Variants in IRF6 observed in about 807,000 individuals in gnomAD.
The protein encoded by IRF6 is interferon regulatory factor 6, also known as Van der Woude syndrome.
Under a neutral mutation model 51.4 loss-of-function variants are expected in IRF6, and 6 were observed. The observed-to-expected ratio is 0.12, with a 90% CI of 0.06 to 0.23. The LOEUF is 0.23. IRF6 is among the 10% of genes least tolerant of loss of function. The pLI is 1.00. For missense variants in IRF6, 348 were observed against 585.2 expected, an observed-to-expected ratio of 0.59 and a Z score of 4.18; for synonymous variants, 178 against 215.7, an observed-to-expected ratio of 0.83 and a Z score of 1.53.
At position 209,801,321 on chromosome 1, in the gene IRF6, C is replaced by T; in HGVS notation, c.93G>A (p.Arg31=). The T allele has an allele frequency of 1.2e-6, 2 of 1,614,094 alleles. No individual in the cohort carries two copies. Among genetic ancestry groups the T allele is most frequent in the Non-Finnish European group, 1.7e-6 (2 of 1,179,992 alleles). Reference sequence around the variant, plus strand: ...AGGGAATCTGGAAGCGTTTAGAGTCCCTGTGTAGCCAGATGAGCCCAGGGT... The same window carrying T: ...AGGGAATCTGGAAGCGTTTAGAGTCTCTGTGTAGCCAGATGAGCCCAGGGT... ...GLYPGLIWLH[R]DSKRFQIPWK... The change falls in exon 3 of 9, where the codon AGG becomes AGA. Residue 31 remains arginine, a synonymous_variant. Coordinates refer to ENST00000367021, the MANE Select transcript of IRF6 (RefSeq NM_006147.4).
At chr1:209,802,744 T>G (rs1276524948) in intron 1 of IRF6, among the ~76,000 whole-genome samples, 2 of 152,128 alleles carry the variant, frequency 1.3e-5, no homozygotes, top group African/African-American at 4.8e-5. Context: ...GGACCACAGT[T>G]CTGAAACCAA....
At chr1:209,792,579 A>G in intron 5 of IRF6, 152 bp from the exon 6 acceptor site, 1 of 737,516 alleles carries the variant, frequency 1.4e-6, no homozygotes, top group Non-Finnish European at 2.3e-6. Context: ...TCCCATAACT[A>G]ACGCAATAAG....
At chr1:209,804,954 T>C (rs1299611230) in intron 1 of IRF6, among the ~76,000 whole-genome samples, 1 of 152,230 alleles carries the variant, frequency 6.6e-6, no homozygotes, top group African/African-American at 2.4e-5. Flanking sequence ...GTTCCGTTCC[T>C]CAGGCTTCCC....
At chr1:209,798,923 AAAAAAAAAG>A (rs2077922403) in intron 3 of IRF6, among the ~76,000 whole-genome samples, 1 of 125,980 alleles carries the variant, frequency 7.9e-6, no homozygotes, top group South Asian at 2.6e-4. Flanking sequence ...AAAAAAAAAA[AAAAAAAAAG>A]AATCAAGAAA....
Position 209,790,587 on chromosome 1 carries a change from C to T in IRF6, c.968G>A (p.Trp323Ter). The change falls in exon 7 of 9, where the codon TGG (tryptophan) becomes TAG (stop). Residue 323 changes from tryptophan to a stop codon, truncating the protein, a stop_gained. Transcript: ENST00000367021. LOFTEE classifies it high-confidence loss of function. The surrounding 1 kb of genome is among the most constrained non-coding windows in gnomAD (Gnocchi z 4.8). The stretch of plus-strand genomic sequence containing the variant: ...AAGTGATGGGGCACATGGCCCAGAC[C>T]AGTACACCTTGCACTGGCACAGCCT... ...AIRLCQCKVY[W>*]SGPCAPSLVA... 6.2e-7 allele frequency: 1 copy of T among 1,614,226 alleles called. No individual in the cohort carries two copies. The highest frequency in any genetic ancestry group is 8.5e-7 in the Non-Finnish European group (1 of 1,180,036).
chr1:209,801,226 A>C lies in IRF6; in HGVS notation c.174+14T>G. Reference sequence around the variant, plus strand: ...AAAATCCAGAAAGGTCTGATGGTAGAAGAAGTCCTTTACCTTAAAAATGGT... The same window carrying C: ...AAAATCCAGAAAGGTCTGATGGTAGCAGAAGTCCTTTACCTTAAAAATGGT... On this transcript the variant is annotated intron_variant, in intron 3 of 8. Coordinates refer to ENST00000367021, the MANE Select transcript of IRF6 (RefSeq NM_006147.4). 1 of 1,593,480 alleles carries C rather than the reference A, an allele frequency of 6.3e-7. No homozygotes were observed. Among genetic ancestry groups the C allele is most frequent in the Non-Finnish European group, 8.6e-7 (1 of 1,163,308 alleles).
At chr1:209,801,485 C>A (rs2077941949) in intron 2 of IRF6, 69 bp from the exon 3 acceptor site, 4 of 1,215,204 alleles carry the variant, frequency 3.3e-6, no homozygotes, top group African/African-American at 1.5e-5. Context: ...CCCTTCCCAG[C>A]CACCTTTCCC....
rs1266213614 is a variant in IRF6, at chr1:209,790,323, G to A, written c.1060+172C>T. On this transcript the variant is annotated intron_variant, in intron 7 of 8. Coordinates refer to ENST00000367021, the MANE Select transcript of IRF6 (RefSeq NM_006147.4). This position sits in a 1 kb window ranked among gnomAD's most constrained non-coding sequence, Gnocchi z 4.8. ...TGAAACTCCCTTCTTTGTTGCCTAGGTCACCTCCAATTTTTAGAACCAAAG... is the reference window on the plus strand; with the variant it reads ...TGAAACTCCCTTCTTTGTTGCCTAGATCACCTCCAATTTTTAGAACCAAAG... 1.3e-5 allele frequency among the ~76,000 whole-genome samples: 2 copies of A among 152,138 alleles called. No homozygotes were observed. Among genetic ancestry groups the A allele is most frequent in the Non-Finnish European group, 2.9e-5 (2 of 68,026 alleles).
At chr1:209,794,299 G>A (rs983798572) in intron 5 of IRF6, among the ~76,000 whole-genome samples, 6 of 152,250 alleles carry the variant, frequency 3.9e-5, no homozygotes, top group East Asian at 1.9e-4. Flanking sequence ...TTGTGGTTTC[G>A]ATTTGTATTT....
intron 3 of IRF6, among the ~76,000 whole-genome samples, chr1:209,800,975 A>C (rs1224867937): frequency 6.6e-6 from 1 of 152,118 alleles, no homozygotes; most frequent in Admixed American, 6.5e-5. Flanking sequence ...ACATCACTAC[A>C]ATCACTAATG....
At chr1:209,789,048 A>G (rs1207184824) in intron 8 of IRF6, among the ~76,000 whole-genome samples, 1 of 152,256 alleles carries the variant, frequency 6.6e-6, no homozygotes, top group Non-Finnish European at 1.5e-5. Context: ...GGAAAGGGCC[A>G]GGTATCGTGG....
At position 209,790,987 on chromosome 1, in the gene IRF6, C is replaced by T; in HGVS notation, c.668-100G>A. 1 of 1,600,090 alleles carries T rather than the reference C, an allele frequency of 6.2e-7. No individual in the cohort carries two copies. Among genetic ancestry groups the T allele is most frequent in the Non-Finnish European group, 8.5e-7 (1 of 1,178,300 alleles). On this transcript the variant is annotated intron_variant, in intron 6 of 8. Transcript: ENST00000367021. This position sits in a 1 kb window ranked among gnomAD's most constrained non-coding sequence, Gnocchi z 4.8. ...CATTAAGATCAAGCCACCTTTCAACCAGCATTCAGGAAGGCCACTGCCATA... is the reference window on the plus strand; with the variant it reads ...CATTAAGATCAAGCCACCTTTCAACTAGCATTCAGGAAGGCCACTGCCATA...
At chr1:209,804,016 T>C (rs1224574102) in intron 1 of IRF6, among the ~76,000 whole-genome samples, 1 of 152,210 alleles carries the variant, frequency 6.6e-6, no homozygotes, top group African/African-American at 2.4e-5. Context: ...GTAATGGTTA[T>C]CTAGTGATGC....
At chr1:209,801,740 C>CA (rs768797103) in intron 2 of IRF6, among the ~76,000 whole-genome samples, 4 of 152,188 alleles carry the variant, frequency 2.6e-5, no homozygotes, top group Non-Finnish European at 4.4e-5. Flanking sequence ...CTTCCTGAAG[C>CA]ACCAAGGGCT....
chr1:209,799,975 A>T (rs1412058896), intron 3 of IRF6, among the ~76,000 whole-genome samples: 1 of 152,184 alleles, frequency 6.6e-6, no homozygotes, highest in Non-Finnish European at 1.5e-5. Flanking sequence ...CTTTCTTTTG[A>T]ACCCTGCGCT....
chr1:209,803,415 T>G (rs2077955788), intron 1 of IRF6, among the ~76,000 whole-genome samples: 1 of 152,210 alleles, frequency 6.6e-6, no homozygotes, highest in Non-Finnish European at 1.5e-5. Context: ...TTATTGTAGT[T>G]GATCCAAATC....
At chr1:209,794,136 G>C (rs1398826165) in intron 5 of IRF6, among the ~76,000 whole-genome samples, 4 of 152,114 alleles carry the variant, frequency 2.6e-5, no homozygotes, top group Non-Finnish European at 5.9e-5. Flanking sequence ...CAAGTTCTTT[G>C]AGAAATCACC....
chr1:209,801,062 C>T (rs894424881), intron 3 of IRF6, among the ~76,000 whole-genome samples, 178 bp downstream of exon 3: 1 of 151,828 alleles, frequency 6.6e-6, no homozygotes, highest in Non-Finnish European at 1.5e-5. Flanking sequence ...GAATAAACGG[C>T]TTCAACCATT....
intron 5 of IRF6, chr1:209,792,653 A>G: frequency 1.7e-6 from 1 of 588,362 alleles, no homozygotes; most frequent in Non-Finnish European, 3.0e-6. Context: ...CATAGTTTTA[A>G]AAACCTTTGT....
Sources: allele counts gnomAD v4.1 joint callset (sites outside exome capture counted in the v4.1 genomes callset), GRCh38; gene constraint gnomAD v4.1.1; non-coding constraint Gnocchi (gnomAD v3.1); transcripts MANE v1.5; gene names NCBI Gene and HGNC (gene_info 2026-07-23, HGNC 2026-07-21).